The following TTC28 variants were observed in gnomAD, a reference collection of about 807,000 sequenced individuals.
TTC28 encodes the protein tetratricopeptide repeat domain 28.
A neutral mutation model predicts 198.0 loss-of-function variants in TTC28; 61 were observed. The observed-to-expected ratio is 0.31, with a 90% CI of 0.25 to 0.38. The LOEUF is 0.38. Ranked by LOEUF, TTC28 falls within the 10% of genes least tolerant of loss-of-function variation. TTC28 has a pLI of 1.00. For missense variants in TTC28, 2,678 were observed against 3,164.0 expected, an observed-to-expected ratio of 0.85 and a Z score of 3.69; for synonymous variants, 1,171 against 1,297.8, an observed-to-expected ratio of 0.90 and a Z score of 2.10.
At chr22:28,228,559 G>A (rs746610805) in intron 5 of TTC28, among the ~76,000 whole-genome samples, 1 of 152,012 alleles carries the variant, frequency 6.6e-6, no homozygotes, top group Non-Finnish European at 1.5e-5. Context: ...AATTAGCTGG[G>A]CGTGGTGGTG....
At chr22:28,393,823 C>G (rs1249408068) in intron 2 of TTC28, among the ~76,000 whole-genome samples, 3 of 152,102 alleles carry the variant, frequency 2.0e-5, no homozygotes, top group Non-Finnish European at 4.4e-5. Flanking sequence ...GGTGTTAATT[C>G]TTGGTTCTCA....
intron 2 of TTC28, among the ~76,000 whole-genome samples, chr22:28,508,798 C>A (rs943793735): frequency 1.2e-4 from 19 of 152,082 alleles, no homozygotes; most frequent in Non-Finnish European, 1.9e-4. Context: ...GACTTTAACA[C>A]CCCACTGACA....
intron 2 of TTC28, among the ~76,000 whole-genome samples, chr22:28,559,974 T>C (rs866276147): frequency 2.6e-5 from 4 of 152,208 alleles, no homozygotes; most frequent in Non-Finnish European, 4.4e-5. Flanking sequence ...TCTTCTCCAA[T>C]TGGATGTCTA....
At chr22:28,420,760 C>G (rs2047240748) in intron 2 of TTC28, among the ~76,000 whole-genome samples, 1 of 151,904 alleles carries the variant, frequency 6.6e-6, no homozygotes, top group South Asian at 2.1e-4. Context: ...CTACCACGCC[C>G]AGCTAATTTT....
At chr22:28,149,569 C>A (rs1404326851) in intron 6 of TTC28, among the ~76,000 whole-genome samples, 1 of 152,192 alleles carries the variant, frequency 6.6e-6, no homozygotes, top group Non-Finnish European at 1.5e-5. Context: ...AAACTTAAGA[C>A]ATGAACACAT....
At chr22:28,024,631 A>G (rs1050661728) in intron 13 of TTC28, among the ~76,000 whole-genome samples, 2 of 152,330 alleles carry the variant, frequency 1.3e-5, no homozygotes, top group South Asian at 2.1e-4. Flanking sequence ...ACAAAGTCAC[A>G]TCCAGTGAGG....
chr22:28,494,159 GA>G (rs1339583094), intron 2 of TTC28, among the ~76,000 whole-genome samples: 2 of 152,108 alleles, frequency 1.3e-5, no homozygotes, highest in East Asian at 3.8e-4. Context: ...GATACATATT[GA>G]AATGTTTATG....
In TTC28 at chr22:28,163,136, T is replaced by C. The variant is rs749210775; in HGVS notation, c.1397A>G (p.Asp466Gly). Residue 466 changes from aspartate (D) to glycine (G), a missense_variant, in exon 6 of 23, where the codon GAT becomes GGT. By Grantham distance (94) the Asp-to-Gly change is moderately conservative. This residue lies in a region of TTC28 where 775 missense variants were observed against 845.9 expected (regional missense o/e 0.92). Coordinates refer to ENST00000397906, the MANE Select transcript of TTC28 (RefSeq NM_001145418.2). ...CCCCTCTGCAGCCCGGTCCTTGAGA[T>C]CCTCAGCAATGCCCAGCTGCTGCTC... ...YHEQQLGIAE[D>G]LKDRAAEGRA... 8 of 1,551,598 alleles carry C rather than the reference T, an allele frequency of 5.2e-6. No homozygotes were observed. Among genetic ancestry groups the C allele is most frequent in the Non-Finnish European group, 6.1e-6 (7 of 1,146,990 alleles).
At position 28,122,914 on chromosome 22, in the gene TTC28, A is replaced by T. The variant is rs1276747061; in HGVS notation, c.1442-14511T>A. Among the ~76,000 whole-genome samples the T allele has an allele frequency of 2.0e-5, 3 of 152,228 alleles. No homozygotes were observed. The East Asian group carries it at 5.8e-4, about 29-fold the overall frequency. On this transcript the variant is annotated intron_variant, in intron 6 of 22. Transcript: ENST00000397906. The stretch of plus-strand genomic sequence containing the variant: ...AAAAATACCTAAGCCGTTCTTAGGA[A>T]GTCCTGGGACAGAACCACACCAGTT...
chr22:28,052,610 GC>G (rs1351042659), intron 12 of TTC28, among the ~76,000 whole-genome samples: 3 of 152,130 alleles, frequency 2.0e-5, no homozygotes, highest in Non-Finnish European at 2.9e-5. Context: ...AAAAAGACCA[GC>G]CATTTTCAAT....
chr22:28,170,417 A>C (rs1922547289), intron 5 of TTC28, among the ~76,000 whole-genome samples: 1 of 151,108 alleles, frequency 6.6e-6, no homozygotes, highest in Non-Finnish European at 1.5e-5. Flanking sequence ...TGAACCCAGG[A>C]GGCAGAGCTT....
chr22:28,199,012 C>T (rs1925641831), intron 5 of TTC28, among the ~76,000 whole-genome samples: 1 of 151,990 alleles, frequency 6.6e-6, no homozygotes, highest in Non-Finnish European at 1.5e-5. Context: ...CTGTCAGTGT[C>T]ACAACATAAT....
intron 2 of TTC28, among the ~76,000 whole-genome samples, chr22:28,344,595 C>T (rs134500): frequency 0.24 from 36,765 of 151,994 alleles, 4,630 homozygotes; most frequent in African/African-American, 0.26. Flanking sequence ...ACAGGCACTC[C>T]ATTTATGCCC....
At chr22:28,524,439 G>A (rs1460452379) in intron 2 of TTC28, among the ~76,000 whole-genome samples, 1 of 140,682 alleles carries the variant, frequency 7.1e-6, no homozygotes, top group Non-Finnish European at 1.5e-5. Flanking sequence ...CAGCCTGGGC[G>A]ACAGAGCCAG....
At chr22:28,421,406 AC>A (rs1259434514) in intron 2 of TTC28, among the ~76,000 whole-genome samples, 3 of 152,206 alleles carry the variant, frequency 2.0e-5, no homozygotes, top group Non-Finnish European at 4.4e-5. Flanking sequence ...TAATTAATTG[AC>A]TTTTTGAAAA....
At chr22:28,076,083 T>G (rs899706999) in intron 12 of TTC28, among the ~76,000 whole-genome samples, 3 of 152,210 alleles carry the variant, frequency 2.0e-5, no homozygotes, top group Non-Finnish European at 2.9e-5. Flanking sequence ...ATAAAATAAG[T>G]GCCAAAATAT....
intron 12 of TTC28, among the ~76,000 whole-genome samples, chr22:28,082,997 G>GATTTTACA: frequency 6.6e-6 from 1 of 151,558 alleles, no homozygotes; most frequent in African/African-American, 2.4e-5. Context: ...TGTATTTTAC[G>GATTTTACA]GAAATATATT....
intron 1 of TTC28, among the ~76,000 whole-genome samples, chr22:28,671,340 A>G (rs1367427339): frequency 1.3e-5 from 2 of 152,170 alleles, no homozygotes; most frequent in African/African-American, 4.8e-5. Context: ...ATATTTGCAA[A>G]TATTTTCTTC....
chr22:28,161,836 A>T (rs1026141704), intron 6 of TTC28, among the ~76,000 whole-genome samples: 5 of 128,400 alleles, frequency 3.9e-5, no homozygotes, highest in Non-Finnish European at 8.3e-5. Flanking sequence ...GAGGGAGGGG[A>T]AGGAAGAAAG....
Sources: gnomAD v4.1 joint callset for allele counts (sites outside exome capture counted in the v4.1 genomes callset) on GRCh38, gnomAD v4.1.1 for gene constraint, gnomAD v4.1.1 regional missense constraint, MANE v1.5 for transcripts, NCBI Gene and HGNC (gene_info 2026-07-23, HGNC 2026-07-21) for gene names.